Variants in TMC1 observed in about 807,000 individuals in gnomAD.
TMC1 encodes the protein transmembrane channel-like protein 1.
Under a neutral mutation model 105.8 loss-of-function variants are expected in TMC1, and 84 were observed. The ratio of observed to expected loss-of-function variants is 0.79; its 90% confidence interval spans 0.67 to 0.95. TMC1 has a LOEUF of 0.95. Among genes scored for constraint, TMC1 ranks in the 40% least tolerant of loss-of-function variants. TMC1 has a pLI of 0.00. For missense variants in TMC1, 817 were observed against 914.1 expected, an observed-to-expected ratio of 0.89 and a Z score of 1.37; for synonymous variants, 315 against 311.5, an observed-to-expected ratio of 1.01 and a Z score of -0.12.
chr9:72,801,921 G>A (rs1466580663), intron 17 of TMC1, among the ~76,000 whole-genome samples: 1 of 152,160 alleles, frequency 6.6e-6, no homozygotes, highest in East Asian at 1.9e-4. Context: ...CACTGCTTGG[G>A]AAGGAATAGA....
chr9:72,690,476 C>T (rs191137104), intron 6 of TMC1, among the ~76,000 whole-genome samples: 291 of 152,076 alleles, frequency 1.9e-3, no homozygotes, highest in African/African-American at 6.7e-3. Context: ...CCTCTCTTTT[C>T]AACTTGAAGA....
rs758592011 is a variant in TMC1 at position 72,791,945 on chromosome 9, T to C, written c.1284T>C (p.Ala428=). The C allele has an allele frequency of 6.2e-7, 1 of 1,613,962 alleles. No homozygotes were observed. The highest frequency in any genetic ancestry group is 1.7e-5 in the Admixed American group (1 of 60,034). The change falls in exon 16 of 24, where the codon GCT becomes GCC. Residue 428 remains alanine (A), a synonymous_variant. Coordinates refer to ENST00000297784, the MANE Select transcript of TMC1 (RefSeq NM_138691.3). The part of the protein sequence containing the change: ...MFCPTLFDLF[A]ELEDYHPLIA... ...GTCCAACATTGTTTGACTTATTTGCTGAATTAGAAGACTACCATCCTCTCA... is the reference window on the plus strand; with the variant it reads ...GTCCAACATTGTTTGACTTATTTGCCGAATTAGAAGACTACCATCCTCTCA...
intron 17 of TMC1, among the ~76,000 whole-genome samples, 161 bp downstream of exon 17, chr9:72,792,513 C>G (rs1413005212): frequency 1.3e-5 from 2 of 152,126 alleles, no homozygotes; most frequent in Non-Finnish European, 2.9e-5. Context: ...TGTATATTAT[C>G]TCACACTGTT....
At chr9:72,604,174 C>T (rs1294779317) in intron 2 of TMC1, among the ~76,000 whole-genome samples, 1 of 152,076 alleles carries the variant, frequency 6.6e-6, no homozygotes, top group Non-Finnish European at 1.5e-5. Context: ...ATCTCATTCT[C>T]AAAGATAAAA....
chr9:72,822,155 T>A (rs1588101743), intron 20 of TMC1, among the ~76,000 whole-genome samples: 2 of 152,302 alleles, frequency 1.3e-5, no homozygotes, highest in East Asian at 3.9e-4. Flanking sequence ...TAGAAATGAA[T>A]CTACTACAAG....
chr9:72,775,300 C>A (rs1292247525), intron 13 of TMC1, among the ~76,000 whole-genome samples: 1 of 151,572 alleles, frequency 6.6e-6, no homozygotes, highest in Non-Finnish European at 1.5e-5. Context: ...CATTTTCAAC[C>A]ACATCATATG....
At chr9:72,817,996 A>G (rs538419874) in intron 19 of TMC1, among the ~76,000 whole-genome samples, 4 of 152,256 alleles carry the variant, frequency 2.6e-5, no homozygotes, top group Non-Finnish European at 5.9e-5. Context: ...CCTTCACGTC[A>G]ATGCTTGGCA....
intron 8 of TMC1, among the ~76,000 whole-genome samples, chr9:72,736,013 A>G (rs1827292402): frequency 6.6e-6 from 1 of 152,140 alleles, no homozygotes; most frequent in Non-Finnish European, 1.5e-5. Context: ...GCTGGCAGGG[A>G]TCTCTCAGAG....
chr9:72,777,354 GA>G (rs1482130975), intron 13 of TMC1, among the ~76,000 whole-genome samples: 1 of 151,992 alleles, frequency 6.6e-6, no homozygotes, highest in Non-Finnish European at 1.5e-5. Flanking sequence ...CTATTTAGTA[GA>G]AAGCAGTCAG....
chr9:72,825,551 C>G (rs1259411540), intron 20 of TMC1, among the ~76,000 whole-genome samples: 1 of 152,090 alleles, frequency 6.6e-6, no homozygotes, highest in Admixed American at 6.5e-5. Context: ...GCTGAGAAGG[C>G]CTTTGTGTGT....
At chr9:72,820,693 G>A (rs1828854064) in intron 19 of TMC1, 149 bp from the exon 20 acceptor site, 1 of 949,884 alleles carries the variant, frequency 1.1e-6, no homozygotes, top group African/African-American at 1.6e-5. Context: ...GATAAGTGCA[G>A]TTTCTTTATG....
chr9:72,530,912 C>G (rs1042035471), intron 1 of TMC1, among the ~76,000 whole-genome samples: 55 of 151,012 alleles, frequency 3.6e-4, no homozygotes, highest in African/African-American at 1.3e-3. Flanking sequence ...GATCTGCATC[C>G]CGAGTTCACA....
chr9:72,834,010 C>A (rs568581072), intron 23 of TMC1, among the ~76,000 whole-genome samples: 2 of 145,948 alleles, frequency 1.4e-5, no homozygotes, highest in African/African-American at 5.0e-5. Flanking sequence ...TTTACAAATT[C>A]TTTCCATCCA....
chr9:72,611,289 TAAG>T (rs1332837337), intron 2 of TMC1, among the ~76,000 whole-genome samples: 1 of 152,144 alleles, frequency 6.6e-6, no homozygotes, highest in Non-Finnish European at 1.5e-5. Flanking sequence ...CAAAGAACTA[TAAG>T]AAGATCATAG....
At chr9:72,775,862 A>T (rs1458058015) in intron 13 of TMC1, among the ~76,000 whole-genome samples, 2 of 152,180 alleles carry the variant, frequency 1.3e-5, no homozygotes, top group South Asian at 4.1e-4. Flanking sequence ...GATAGGAAGC[A>T]AAAGAGAGAT....
intron 1 of TMC1, among the ~76,000 whole-genome samples, chr9:72,572,484 C>T (rs1032012652): frequency 1.3e-5 from 2 of 152,092 alleles, no homozygotes; most frequent in African/African-American, 4.8e-5. Context: ...ATATTGTTAA[C>T]GGTACTATGG....
chr9:72,689,763 G>A (rs540750605), intron 6 of TMC1, among the ~76,000 whole-genome samples: 1 of 152,020 alleles, frequency 6.6e-6, no homozygotes, highest in African/African-American at 2.4e-5. Context: ...AGCCACCCCT[G>A]TTCTTTTTTA....
chr9:72,763,184 G>A (rs1827782964), intron 12 of TMC1, among the ~76,000 whole-genome samples: 1 of 128,682 alleles, frequency 7.8e-6, no homozygotes, highest in Non-Finnish European at 1.6e-5. Flanking sequence ...CTTTTCTTTT[G>A]CAAATATTAG....
chr9:72,687,874 C>T (rs1043336483), intron 5 of TMC1, among the ~76,000 whole-genome samples: 27 of 151,626 alleles, frequency 1.8e-4, no homozygotes, highest in African/African-American at 6.3e-4. Flanking sequence ...TAATAGACTT[C>T]GATTATTAAG....
Sources: allele counts gnomAD v4.1 joint callset (sites outside exome capture counted in the v4.1 genomes callset), GRCh38; gene constraint gnomAD v4.1.1; transcripts MANE v1.5; gene names NCBI Gene and HGNC (gene_info 2026-07-23, HGNC 2026-07-21).